The following PJA2 variants were observed in gnomAD, a reference collection of about 807,000 sequenced individuals.
PJA2 encodes E3 ubiquitin-protein ligase Praja-2.
A neutral mutation model predicts 69.3 loss-of-function variants in PJA2; 25 were observed. That is an observed-to-expected ratio of 0.36 (90% CI 0.26 to 0.50). PJA2 has a LOEUF of 0.50. PJA2 is among the 20% of genes least tolerant of loss of function. The pLI, the probability that PJA2 is intolerant of heterozygous loss-of-function variation, is 0.96. For missense variants in PJA2, 809 were observed against 830.2 expected, an observed-to-expected ratio of 0.97 and a Z score of 0.31; for synonymous variants, 308 against 277.8, an observed-to-expected ratio of 1.11 and a Z score of -1.08.
At position 109,379,006 on chromosome 5, in the gene PJA2, C is replaced by G. The variant is rs368299649; in HGVS notation, c.481G>C (p.Ala161Pro). ...TCATAAGAGTCTGTATGAACCAATG[C>G]AATTCCATTTTGGACACTTGAAGCA... is the stretch of plus-strand genomic sequence containing the variant. Reference protein sequence around the residue: ...CSASSVQNGIALVHTDSYDPD... With the variant: ...CSASSVQNGIPLVHTDSYDPD... The change falls in exon 4 of 10, where the codon GCA (alanine) becomes CCA (proline). Residue 161 changes from alanine (A) to proline (P), a missense_variant. Ala to Pro is a conservative substitution (Grantham distance 27). Around this residue, in one of 4 missense-constraint regions of PJA2, gnomAD observed 700 missense variants for 639.5 expected, o/e 1.09. Transcript: ENST00000361189. The G allele has an allele frequency of 2.1e-5, 34 of 1,614,036 alleles. No homozygotes were observed. Among genetic ancestry groups the G allele is most frequent in the Non-Finnish European group, 2.9e-5 (34 of 1,180,028 alleles).
intron 9 of PJA2, among the ~76,000 whole-genome samples, chr5:109,341,314 C>G (rs977760623): frequency 6.8e-5 from 10 of 147,740 alleles, no homozygotes; most frequent in Non-Finnish European, 1.4e-4. Flanking sequence ...ATGTGAGGAG[C>G]GCCTCTGCCC....
chr5:109,338,013 G>C (rs1184046795), intron 9 of PJA2, among the ~76,000 whole-genome samples: 1 of 152,042 alleles, frequency 6.6e-6, no homozygotes, highest in East Asian at 1.9e-4. Flanking sequence ...GAGAGAAGGT[G>C]GGAAGGAGAA....
At chr5:109,402,080 G>A (rs1396546058) in intron 1 of PJA2, among the ~76,000 whole-genome samples, 1 of 152,096 alleles carries the variant, frequency 6.6e-6, no homozygotes, top group African/African-American at 2.4e-5. Context: ...ATAAATCACA[G>A]AGAAGCCAAT....
intron 6 of PJA2, among the ~76,000 whole-genome samples, 152 bp downstream of exon 6, chr5:109,362,687 AG>A (rs906259266): frequency 6.6e-6 from 1 of 152,244 alleles, no homozygotes; most frequent in African/African-American, 2.4e-5. Context: ...GGGTCCAAGT[AG>A]GAAGGAACAT....
At chr5:109,400,489 G>A (rs1484066604) in intron 1 of PJA2, among the ~76,000 whole-genome samples, 1 of 150,058 alleles carries the variant, frequency 6.7e-6, no homozygotes, top group South Asian at 2.1e-4. Context: ...CAGGGGGAGG[G>A]GGGGGAAGGG....
intron 7 of PJA2, among the ~76,000 whole-genome samples, chr5:109,345,130 G>A (rs1385303181): frequency 6.7e-6 from 1 of 148,766 alleles, no homozygotes. Flanking sequence ...GGTCACTTGA[G>A]GTCAGGAGTT....
chr5:109,354,536 CTATA>C (rs1274067908), intron 7 of PJA2, among the ~76,000 whole-genome samples: 4 of 18,444 alleles, frequency 2.2e-4, no homozygotes, highest in African/African-American at 3.0e-4. Context: ...TCTATAATAT[CTATA>C]GATATCTATA....
chr5:109,387,011 T>C (rs1747174079), intron 1 of PJA2, among the ~76,000 whole-genome samples: 1 of 152,180 alleles, frequency 6.6e-6, no homozygotes, highest in Non-Finnish European at 1.5e-5. Flanking sequence ...AATACATCTT[T>C]TTCCTCACTA....
chr5:109,361,011 C>T (rs1459240543), intron 6 of PJA2, among the ~76,000 whole-genome samples: 1 of 152,020 alleles, frequency 6.6e-6, no homozygotes, highest in Non-Finnish European at 1.5e-5. Context: ...GCCTGTAATC[C>T]CAGCTACTTG....
intron 7 of PJA2, among the ~76,000 whole-genome samples, chr5:109,355,199 A>G (rs1762394151): frequency 6.6e-6 from 1 of 152,154 alleles, no homozygotes; most frequent in Admixed American, 6.5e-5. Context: ...AATGCTCCTA[A>G]AAGTTCTTGC....
In PJA2 at chr5:109,378,850, T is replaced by C. The variant is rs1236920094; in HGVS notation, c.637A>G (p.Thr213Ala). The stretch of plus-strand genomic sequence containing the variant: ...GAGGGAACTGGTGGTGAAAGACCAG[T>C]GTATGCCTCTGCCTCTCTGTTTTCC... ...ELENREAEAY[T>A]GLSPPVPSFN... The change falls in exon 4 of 10, where the codon ACT (threonine) becomes GCT (alanine). Residue 213 changes from threonine (T) to alanine (A), a missense_variant. Physicochemically the swap from Thr to Ala is moderately conservative, Grantham distance 58. Transcript: ENST00000361189. The C allele has an allele frequency of 1.2e-6, 2 of 1,614,036 alleles. No homozygotes were observed. The highest frequency in any genetic ancestry group is 1.1e-5 in the South Asian group (1 of 91,086).
Position 109,409,736 on chromosome 5 carries a change from G to C in PJA2, c.-88+106C>G, listed in dbSNP as rs544287803. ...ACAAGCCCCGCTCCTTCCGAAGCTA[G>C]AGACAGAGAAACTGAGGAGCTGAAC... On this transcript the variant is annotated intron_variant, in intron 1 of 9. Coordinates refer to ENST00000361189, the MANE Select transcript of PJA2 (RefSeq NM_014819.5). The C allele has an allele frequency of 1.5e-4, 23 of 153,990 alleles. No homozygotes were observed. In the South Asian group the frequency reaches 3.8e-3, roughly 25 times the overall value. 9.5% of individuals were successfully genotyped at this position (153,990 alleles called of 1,614,324 possible).
At chr5:109,387,758 A>G (rs1041605956) in intron 1 of PJA2, among the ~76,000 whole-genome samples, 1 of 152,238 alleles carries the variant, frequency 6.6e-6, no homozygotes, top group African/African-American at 2.4e-5. Context: ...TCATCTTTAA[A>G]GAATGCAAGG....
At position 109,355,834 on chromosome 5, in the gene PJA2, G is replaced by C. The variant is rs967532505; in HGVS notation, c.1764+81C>G. 3.3e-6 allele frequency: 3 copies of C among 922,144 alleles called. No individual in the cohort carries two copies. The African/African-American group carries it at 5.0e-5, about 15-fold the overall frequency. 57.1% of individuals were successfully genotyped at this position (922,144 alleles called of 1,614,324 possible). On this transcript the variant is annotated intron_variant, in intron 7 of 9. Coordinates refer to ENST00000361189, the MANE Select transcript of PJA2 (RefSeq NM_014819.5). ...GGGAAAAAGATTCACCTTTTCTTAA[G>C]AGTAGTCTAAAAATCCCTTTAAACC...
chr5:109,352,127 C>A (rs1446372775), intron 7 of PJA2, among the ~76,000 whole-genome samples: 3 of 152,076 alleles, frequency 2.0e-5, no homozygotes, highest in Non-Finnish European at 4.4e-5. Context: ...AGGAATAATG[C>A]CACTGAGTTC....
intron 5 of PJA2, among the ~76,000 whole-genome samples, chr5:109,365,582 CTTT>C (rs11301451): frequency 8.6e-5 from 13 of 151,328 alleles, no homozygotes; most frequent in African/African-American, 2.9e-4. Flanking sequence ...TGTATGAATC[CTTT>C]TTTTTTTAAA....
rs1332881842 is a variant in PJA2 at position 109,350,204 on chromosome 5, T to C, written c.1765-5385A>G. On this transcript the variant is annotated intron_variant, in intron 7 of 9. Transcript: ENST00000361189. ...AATTTATTGCCTTGGTACTGTCATATATTTAAGATGATCCAGGATCACTTA... is the reference window on the plus strand; with the variant it reads ...AATTTATTGCCTTGGTACTGTCATACATTTAAGATGATCCAGGATCACTTA... Among the ~76,000 whole-genome samples the C allele has an allele frequency of 2.6e-5, 4 of 152,084 alleles. 1 individual carries two copies. Among genetic ancestry groups the C allele is most frequent in the Non-Finnish European group, 5.9e-5 (4 of 68,030 alleles).
intron 9 of PJA2, 68 bp downstream of exon 9, chr5:109,344,122 A>AATT: frequency 3.0e-6 from 2 of 658,772 alleles, no homozygotes; most frequent in Non-Finnish European, 4.6e-6. Flanking sequence ...AAAAAAAAAG[A>AATT]TACTATTATT....
chr5:109,356,236 C>G (rs768516224), intron 6 of PJA2, among the ~76,000 whole-genome samples: 1 of 152,144 alleles, frequency 6.6e-6, no homozygotes, highest in Admixed American at 6.6e-5. Flanking sequence ...TAAGATACCA[C>G]TACCTCATCC....
Sources: gnomAD v4.1 joint callset for allele counts (sites outside exome capture counted in the v4.1 genomes callset) on GRCh38, gnomAD v4.1.1 for gene constraint, gnomAD v4.1.1 regional missense constraint, MANE v1.5 for transcripts, NCBI Gene and HGNC (gene_info 2026-07-23, HGNC 2026-07-21) for gene names.